DLGAP1: variants seen among roughly 807,000 people sequenced by gnomAD.
The protein encoded by DLGAP1 is DLG associated protein 1.
A neutral mutation model predicts 90.8 loss-of-function variants in DLGAP1; 11 were observed. That is an observed-to-expected ratio of 0.12 (90% CI 0.08 to 0.20). DLGAP1 has a LOEUF of 0.20. Among genes scored for constraint, DLGAP1 ranks in the 10% least tolerant of loss-of-function variants. The probability of loss-of-function intolerance (pLI) is 1.00; values close to 1 mark genes in which losing one functional copy is unlikely to be tolerated. For missense variants in DLGAP1, 1,050 were observed against 1,333.8 expected (o/e 0.79, Z 3.31); for synonymous variants, 558 against 540.7 (o/e 1.03, Z -0.44).
rs1157316627 is a variant in DLGAP1 at position 4,084,320 on chromosome 18, T to C, written c.-159+66860A>G. Among the ~76,000 whole-genome samples the C allele has an allele frequency of 6.6e-6, 1 of 152,208 alleles. No individual in the cohort carries two copies. Among genetic ancestry groups the C allele is most frequent in the Non-Finnish European group, 1.5e-5 (1 of 68,032 alleles). Reference sequence around the variant, plus strand: ...AGGATTTTCCTTATAGGAAAAATGATTGTTTACCATAACTCATTTAACAAT... The same window carrying C: ...AGGATTTTCCTTATAGGAAAAATGACTGTTTACCATAACTCATTTAACAAT... On this transcript the variant is annotated intron_variant, in intron 2 of 12. Transcript: ENST00000315677. This position sits in a 1 kb window ranked among gnomAD's most constrained non-coding sequence, Gnocchi z 4.0.
intron 5 of DLGAP1, among the ~76,000 whole-genome samples, chr18:3,751,845 G>A (rs1233309084): frequency 1.3e-5 from 2 of 148,214 alleles, no homozygotes; most frequent in Admixed American, 1.4e-4. Context: ...TTACAGGTGT[G>A]AGCCACTGTG....
At chr18:3,957,832 T>C (rs1599219239) in intron 3 of DLGAP1, among the ~76,000 whole-genome samples, 1 of 152,128 alleles carries the variant, frequency 6.6e-6, no homozygotes, top group East Asian at 1.9e-4. Context: ...AATCCTAAAG[T>C]GTGTATTTGA....
chr18:3,642,528 TCAAGGATTCAA>T (rs2058975684), intron 7 of DLGAP1, among the ~76,000 whole-genome samples: 2 of 152,182 alleles, frequency 1.3e-5, no homozygotes, highest in African/African-American at 4.8e-5. Flanking sequence ...GTGGATGACT[TCAAGGATTCAA>T]TTATTACTCA....
chr18:4,344,233 C>G (rs546410466), intron 1 of DLGAP1, among the ~76,000 whole-genome samples: 5 of 151,988 alleles, frequency 3.3e-5, no homozygotes, highest in South Asian at 2.1e-4. Context: ...ATGCACTATG[C>G]GTTATATTAT....
At chr18:3,741,905 T>A (rs1379172466) in intron 6 of DLGAP1, among the ~76,000 whole-genome samples, 1 of 151,928 alleles carries the variant, frequency 6.6e-6, no homozygotes, top group Non-Finnish European at 1.5e-5. Context: ...TGCAGTGACG[T>A]GATCTCGGTT....
At chr18:3,647,297 T>C (rs2059156515) in intron 7 of DLGAP1, among the ~76,000 whole-genome samples, 1 of 144,292 alleles carries the variant, frequency 6.9e-6, no homozygotes, top group South Asian at 2.1e-4. Flanking sequence ...TGTCTATATA[T>C]ATAATAACAT....
intron 1 of DLGAP1, among the ~76,000 whole-genome samples, chr18:4,417,938 T>G (rs997095384): frequency 2.6e-5 from 4 of 152,110 alleles, no homozygotes; most frequent in African/African-American, 9.7e-5. Context: ...ACAGTGCTGC[T>G]TGGAGAGAAA....
At chr18:3,779,679 C>T (rs944753657) in intron 5 of DLGAP1, among the ~76,000 whole-genome samples, 1 of 151,992 alleles carries the variant, frequency 6.6e-6, no homozygotes, top group African/African-American at 2.4e-5. Context: ...AGGAAGCTTG[C>T]TTGCTCTGAT....
intron 1 of DLGAP1, among the ~76,000 whole-genome samples, chr18:4,359,549 G>A (rs189804480): frequency 6.6e-6 from 1 of 152,176 alleles, no homozygotes; most frequent in Non-Finnish European, 1.5e-5. Flanking sequence ...GAAGGCTCCC[G>A]TGTCACATAA....
intron 4 of DLGAP1, among the ~76,000 whole-genome samples, chr18:3,848,824 G>A (rs993510730): frequency 6.6e-6 from 1 of 152,112 alleles, no homozygotes; most frequent in African/African-American, 2.4e-5. Flanking sequence ...TCTTCTAACC[G>A]ATTCTCCTCT....
At chr18:3,873,537 G>C (rs1436298696) in intron 4 of DLGAP1, among the ~76,000 whole-genome samples, 1 of 152,136 alleles carries the variant, frequency 6.6e-6, no homozygotes, top group South Asian at 2.1e-4. Flanking sequence ...TTCATAAATT[G>C]CATGTAAAGT....
At chr18:3,650,872 T>G (rs1020588391) in intron 7 of DLGAP1, among the ~76,000 whole-genome samples, 17 of 151,094 alleles carry the variant, frequency 1.1e-4, no homozygotes, top group Admixed American at 7.3e-4. Context: ...TTGGAGACCA[T>G]CCTGGCCAAC....
intron 7 of DLGAP1, among the ~76,000 whole-genome samples, chr18:3,723,418 C>A (rs934389057): frequency 2.0e-5 from 3 of 152,208 alleles, no homozygotes; most frequent in Non-Finnish European, 4.4e-5. Flanking sequence ...ATTATTCAAT[C>A]GTCTGTGGCT....
intron 7 of DLGAP1, among the ~76,000 whole-genome samples, chr18:3,714,762 G>A (rs1598433794): frequency 6.7e-6 from 1 of 150,142 alleles, no homozygotes; most frequent in East Asian, 2.0e-4. Flanking sequence ...GCCTCCCCGA[G>A]TAGCTGGGAT....
At chr18:4,331,321 G>A (rs972438552) in intron 1 of DLGAP1, among the ~76,000 whole-genome samples, 10 of 151,826 alleles carry the variant, frequency 6.6e-5, no homozygotes, top group East Asian at 3.9e-4. Context: ...ACAAGACAGC[G>A]CTCAGGACAG....
At chr18:4,453,371 C>A (rs1335517009) in intron 1 of DLGAP1, among the ~76,000 whole-genome samples, 2 of 151,284 alleles carry the variant, frequency 1.3e-5, no homozygotes, top group Non-Finnish European at 2.9e-5. Context: ...ACTTTATATT[C>A]TTCTGGCATG....
intron 7 of DLGAP1, among the ~76,000 whole-genome samples, chr18:3,585,598 A>T (rs2055831421): frequency 6.6e-6 from 1 of 152,222 alleles, no homozygotes; most frequent in Non-Finnish European, 1.5e-5. Flanking sequence ...TGGATTATGT[A>T]TTGCTTCTTG....
intron 1 of DLGAP1, among the ~76,000 whole-genome samples, chr18:4,365,770 A>G (rs925730552): frequency 5.3e-5 from 8 of 152,112 alleles, no homozygotes; most frequent in Non-Finnish European, 1.2e-4. Flanking sequence ...TCCTCTTCTA[A>G]TTTTACTCAC....
intron 7 of DLGAP1, among the ~76,000 whole-genome samples, chr18:3,595,044 C>T (rs1296569267): frequency 6.6e-6 from 1 of 152,194 alleles, no homozygotes; most frequent in Admixed American, 6.5e-5. Flanking sequence ...GAAACACCCA[C>T]GAAAATGCCA....
Sources: allele counts gnomAD v4.1 joint callset (sites outside exome capture counted in the v4.1 genomes callset), GRCh38; gene constraint gnomAD v4.1.1; non-coding constraint Gnocchi (gnomAD v3.1); transcripts MANE v1.5; gene names NCBI Gene and HGNC (gene_info 2026-07-23, HGNC 2026-07-21).